Variants in UNC13C observed in about 807,000 individuals in gnomAD.
The protein encoded by UNC13C is protein unc-13 homolog C.
A neutral mutation model predicts 245.4 loss-of-function variants in UNC13C; 174 were observed. That is an observed-to-expected ratio of 0.71 (90% CI 0.63 to 0.80). UNC13C has a LOEUF of 0.80. Among genes scored for constraint, UNC13C ranks in the 30% least tolerant of loss-of-function variants. The pLI is 0.00. For missense variants in UNC13C, 2,829 were observed against 2,602.9 expected (o/e 1.09, Z -1.89); for synonymous variants, 992 against 895.1 (o/e 1.11, Z -1.93).
intron 19 of UNC13C, among the ~76,000 whole-genome samples, chr15:54,455,517 C>T (rs1463186579): frequency 6.9e-6 from 1 of 145,082 alleles, no homozygotes. Flanking sequence ...TCCACACCAA[C>T]ATCTGCTTTT....
intron 15 of UNC13C, among the ~76,000 whole-genome samples, chr15:54,333,335 GT>G (rs1040036043): frequency 6.6e-5 from 10 of 151,912 alleles, no homozygotes; most frequent in African/African-American, 1.4e-4. Context: ...AACTTTTAAA[GT>G]TTTTTTGTGA....
intron 19 of UNC13C, among the ~76,000 whole-genome samples, chr15:54,478,476 C>A (rs1377641258): frequency 2.0e-5 from 3 of 146,548 alleles, no homozygotes; most frequent in Admixed American, 1.4e-4. Flanking sequence ...CTACACACTA[C>A]TTTGAATGTG....
rs977403353 is a variant in UNC13C, at chr15:54,112,995, G to T, written c.2984-30023G>T. Among the ~76,000 whole-genome samples, 5 of 152,282 alleles carry T rather than the reference G, an allele frequency of 3.3e-5. No homozygotes were observed. In the East Asian group the frequency reaches 5.8e-4, roughly 18 times the overall value. On this transcript the variant is annotated intron_variant, in intron 2 of 32. Transcript: ENST00000260323. The stretch of plus-strand genomic sequence containing the variant: ...TATGAAGCAACAGGGTTGCAAATAG[G>T]TACAGTAAATAGTGTTTTTCAGGTT...
At chr15:54,068,501 G>A (rs1394653547) in intron 2 of UNC13C, among the ~76,000 whole-genome samples, 5 of 152,172 alleles carry the variant, frequency 3.3e-5, no homozygotes, top group Non-Finnish European at 4.4e-5. Flanking sequence ...TATGGCTACT[G>A]TAACTGTACA....
chr15:54,350,465 G>T lies in UNC13C; in HGVS notation c.4713+11976G>T, dbSNP rs535621383. On this transcript the variant is annotated intron_variant, in intron 17 of 32. Coordinates refer to ENST00000260323, the MANE Select transcript of UNC13C (RefSeq NM_001080534.3). The stretch of plus-strand genomic sequence containing the variant: ...ATAAGGATGACGGATGGAATGAATC[G>T]GCAGGCAGACAGGAAACTTGCATGA... Among the ~76,000 whole-genome samples the T allele has an allele frequency of 1.1e-4, 17 of 152,180 alleles. 1 individual carries two copies. In the South Asian group the frequency reaches 2.3e-3, roughly 20 times the overall value.
At chr15:54,028,684 C>CTTTTTTTTTTTTTTT (rs58264883) in intron 2 of UNC13C, among the ~76,000 whole-genome samples, 1 of 87,082 alleles carries the variant, frequency 1.1e-5, no homozygotes, top group Non-Finnish European at 2.0e-5. Context: ...GCCTACAAGT[C>CTTTTTTTTTTTTTTT]TTTTTTTTTT....
At chr15:54,480,322 T>C (rs1893033338) in intron 19 of UNC13C, among the ~76,000 whole-genome samples, 3 of 151,514 alleles carry the variant, frequency 2.0e-5, no homozygotes. Context: ...TCCATTGGCT[T>C]TCTTCTCACC....
rs150487063 is a variant in UNC13C, at chr15:54,027,623, T to C, written c.2983+11737T>C. ...TGACTTCAAATGATCTGCCTGCCTC[T>C]GCCTCCCCAAGTGCTGGGATCACAG... On this transcript the variant is annotated intron_variant, in intron 2 of 32. Coordinates refer to ENST00000260323, the MANE Select transcript of UNC13C (RefSeq NM_001080534.3). Among the ~76,000 whole-genome samples, 427 of 152,214 alleles carry C rather than the reference T, an allele frequency of 2.8e-3. 3 individuals carry two copies. Among genetic ancestry groups the C allele is most frequent in the African/African-American group, 9.8e-3 (407 of 41,530 alleles).
chr15:54,462,646 C>T (rs1891913439), intron 19 of UNC13C, among the ~76,000 whole-genome samples: 1 of 152,244 alleles, frequency 6.6e-6, no homozygotes, highest in African/African-American at 2.4e-5. Context: ...TGCCGGCCTG[C>T]CCGCAATGCG....
intron 12 of UNC13C, 105 bp from the exon 13 acceptor site, chr15:54,300,105 A>T: frequency 1.0e-6 from 1 of 998,820 alleles, no homozygotes; most frequent in Non-Finnish European, 1.4e-6. Flanking sequence ...CTGATGAAAC[A>T]TTAGAGGCAA....
intron 17 of UNC13C, among the ~76,000 whole-genome samples, chr15:54,362,415 C>A (rs1249020985): frequency 1.3e-5 from 2 of 152,202 alleles, no homozygotes; most frequent in Non-Finnish European, 2.9e-5. Context: ...GTCATGCCTT[C>A]TCTCGATACT....
At chr15:53,844,037 G>A in the UNC13C span, among the ~76,000 whole-genome samples, 1 of 152,140 alleles carries the variant, frequency 6.6e-6, no homozygotes, top group African/African-American at 2.4e-5. Context: ...AAGGAGATGT[G>A]ACATATAAAA....
At position 54,627,295 on chromosome 15, in the gene UNC13C, G is replaced by T. The variant is rs1042519955; in HGVS notation, c.*182G>T. 2 of 523,824 alleles carry T rather than the reference G, an allele frequency of 3.8e-6. No individual in the cohort carries two copies. The highest frequency in any genetic ancestry group is 9.6e-5 in the South Asian group (2 of 20,874). The allele number at this position is 523,824 out of a possible 1,614,324, so 32.4% of individuals were successfully genotyped here. On this transcript the variant is annotated 3_prime_UTR_variant, in exon 33 of 33. Transcript: ENST00000260323. Reference sequence around the variant, plus strand: ...CAATTCTGGTCTTTGGGAAATCAGTGTTCCATGAAGTGCCAAAATTATGAT... The same window carrying T: ...CAATTCTGGTCTTTGGGAAATCAGTTTTCCATGAAGTGCCAAAATTATGAT...
intron 5 of UNC13C, among the ~76,000 whole-genome samples, chr15:54,235,643 G>A (rs1377081699): frequency 1.3e-5 from 2 of 152,248 alleles, no homozygotes; most frequent in Admixed American, 1.3e-4. Flanking sequence ...ATGAGGTCAG[G>A]AGATCAAGAC....
chr15:54,295,828 G>T (rs1224339724), intron 11 of UNC13C, among the ~76,000 whole-genome samples: 3 of 152,116 alleles, frequency 2.0e-5, no homozygotes, highest in Non-Finnish European at 4.4e-5. Context: ...AATATTGTAA[G>T]TCTTTACCTA....
chr15:54,578,343 T>TA (rs1244400611), intron 30 of UNC13C, among the ~76,000 whole-genome samples: 1 of 150,164 alleles, frequency 6.7e-6, no homozygotes, highest in Non-Finnish European at 1.5e-5. Flanking sequence ...TACATTTTTT[T>TA]ATCGCACTCA....
chr15:54,001,104 G>A (rs1894866054), intron 1 of UNC13C, among the ~76,000 whole-genome samples: 1 of 152,148 alleles, frequency 6.6e-6, no homozygotes, highest in African/African-American at 2.4e-5. Flanking sequence ...GTTTGTAGCT[G>A]AGCAGGTTGG....
chr15:54,250,091 A>T (rs2036103973), intron 7 of UNC13C, 134 bp from the exon 8 acceptor site: 2 of 783,720 alleles, frequency 2.6e-6, no homozygotes, highest in Non-Finnish European at 4.2e-6. Context: ...TGTCATCATG[A>T]CTTGAATCAG....
chr15:54,576,428 C>T (rs1310292952), intron 30 of UNC13C, among the ~76,000 whole-genome samples: 1 of 152,324 alleles, frequency 6.6e-6, no homozygotes, highest in Admixed American at 6.5e-5. Flanking sequence ...AGGAGATGAT[C>T]TTTAAGCTGA....
Sources: gnomAD v4.1 joint callset for allele counts (sites outside exome capture counted in the v4.1 genomes callset) on GRCh38, gnomAD v4.1.1 for gene constraint, MANE v1.5 for transcripts, NCBI Gene and HGNC (gene_info 2026-07-23, HGNC 2026-07-21) for gene names.